The following HLCS variants were observed in gnomAD, a reference collection of about 807,000 sequenced individuals.
HLCS encodes the protein biotin--protein ligase.
Under a neutral mutation model 75.0 loss-of-function variants are expected in HLCS, and 53 were observed. That is an observed-to-expected ratio of 0.71 (90% CI 0.57 to 0.89). HLCS has a LOEUF of 0.89. Ranked by LOEUF, HLCS falls within the 40% of genes least tolerant of loss-of-function variation. The probability of loss-of-function intolerance (pLI) is 0.00; values close to 1 mark genes in which losing one functional copy is unlikely to be tolerated. For synonymous variants in HLCS, 431 were observed against 428.6 expected, an observed-to-expected ratio of 1.01 and a Z score of -0.07; for missense variants, 966 against 1,074.0, an observed-to-expected ratio of 0.90 and a Z score of 1.41.
chr21:36,983,055 A>C (rs1298491914), intron 1 of HLCS, among the ~76,000 whole-genome samples: 1 of 152,086 alleles, frequency 6.6e-6, no homozygotes, highest in Non-Finnish European at 1.5e-5. Context: ...AAAAACAAAA[A>C]CAAAAAAACT....
chr21:36,987,545 A>G (rs1374692232), intron 1 of HLCS, among the ~76,000 whole-genome samples: 2 of 151,706 alleles, frequency 1.3e-5, no homozygotes, highest in African/African-American at 4.8e-5. Context: ...CCTGGGAGGC[A>G]GAGGTTGCAG....
intron 2 of HLCS, among the ~76,000 whole-genome samples, chr21:36,958,233 A>G (rs11088370): frequency 0.01 from 1,489 of 142,010 alleles, 19 homozygotes; most frequent in South Asian, 0.028. Flanking sequence ...ACAGAGTGAG[A>G]CTGTCTCAAA....
intron 4 of HLCS, among the ~76,000 whole-genome samples, chr21:36,935,025 A>G (rs539823543): frequency 6.6e-6 from 1 of 152,336 alleles, no homozygotes; most frequent in African/African-American, 2.4e-5. Context: ...TAAATGGTGC[A>G]GCAAGCAGAT....
chr21:36,781,095 T>C (rs867668879), intron 6 of HLCS, among the ~76,000 whole-genome samples: 38 of 152,042 alleles, frequency 2.5e-4, no homozygotes, highest in African/African-American at 7.7e-4. Context: ...TAGATTCTCA[T>C]AGGAGCCCTA....
rs115415596 is a variant in HLCS, at chr21:36,810,243, G to C, written c.1893-42958C>G. Reference sequence around the variant, plus strand: ...AAACTGTAGAGGTTTGGGATTTTGCGATTTTTCTTGGATGACTGTTAGTTC... The same window carrying C: ...AAACTGTAGAGGTTTGGGATTTTGCCATTTTTCTTGGATGACTGTTAGTTC... On this transcript the variant is annotated intron_variant, in intron 6 of 10. Coordinates refer to ENST00000674895, the MANE Select transcript of HLCS (RefSeq NM_001352514.2). Among the ~76,000 whole-genome samples, 666 of 152,306 alleles carry C rather than the reference G, an allele frequency of 4.4e-3. 6 individuals carry two copies. The highest frequency in any genetic ancestry group is 0.015 in the African/African-American group (609 of 41,570).
At chr21:36,909,870 T>C (rs1311868477) in intron 5 of HLCS, among the ~76,000 whole-genome samples, 22 of 152,208 alleles carry the variant, frequency 1.4e-4, no homozygotes, top group Admixed American at 1.3e-3. Context: ...GAGCTTCTTT[T>C]CCCAAGAAAC....
intron 6 of HLCS, among the ~76,000 whole-genome samples, chr21:36,870,346 G>T (rs2063727678): frequency 6.6e-6 from 1 of 152,100 alleles, no homozygotes; most frequent in Non-Finnish European, 1.5e-5. Flanking sequence ...TCCTTAGCAG[G>T]CCTGATACGG....
In HLCS at chr21:36,936,968, T is replaced by C. The variant is rs767988985; in HGVS notation, c.918A>G (p.Gly306=). The change falls in exon 4 of 11, where the codon GGA becomes GGG. Residue 306 remains glycine, a synonymous_variant. Transcript: ENST00000674895. ...CATAGAGGAGGATGTTGGGTGCCTTTCCCGTGAGGTTGACTCTCCTCCCTT... is the reference window on the plus strand; with the variant it reads ...CATAGAGGAGGATGTTGGGTGCCTTCCCCGTGAGGTTGACTCTCCTCCCTT... ...EREGRRVNLT[G]KAPNILLYVG... is the part of the protein sequence containing the mutation. The C allele has an allele frequency of 7.7e-5, 125 of 1,613,994 alleles. No individual in the cohort carries two copies. Among genetic ancestry groups the C allele is most frequent in the Non-Finnish European group, 1.0e-4 (123 of 1,180,024 alleles).
In HLCS at chr21:36,761,600, G is replaced by A. The variant is rs1030748202; in HGVS notation, c.2122-1759C>T. Among the ~76,000 whole-genome samples the A allele has an allele frequency of 1.2e-4, 18 of 152,050 alleles. 1 individual carries two copies. Among genetic ancestry groups the A allele is most frequent in the Admixed American group, 9.8e-4 (15 of 15,270 alleles). On this transcript the variant is annotated intron_variant, in intron 8 of 10. Coordinates refer to ENST00000674895, the MANE Select transcript of HLCS (RefSeq NM_001352514.2). ...TGTCACAGCCTGAGGGAGTGCTACCGGCGTCTAGAGAGTAGAGGCCGCAAT... is the reference window on the plus strand; with the variant it reads ...TGTCACAGCCTGAGGGAGTGCTACCAGCGTCTAGAGAGTAGAGGCCGCAAT...
chr21:36,848,775 A>G (rs1357898985), intron 6 of HLCS, among the ~76,000 whole-genome samples: 6 of 152,220 alleles, frequency 3.9e-5, no homozygotes, highest in Non-Finnish European at 8.8e-5. Flanking sequence ...GAGCAAATAC[A>G]AAATCTGCTT....
intron 5 of HLCS, among the ~76,000 whole-genome samples, chr21:36,916,382 T>C (rs1388469330): frequency 6.6e-6 from 1 of 152,020 alleles, no homozygotes; most frequent in African/African-American, 2.4e-5. Flanking sequence ...AGAGATAGGG[T>C]CTTGCTTGCT....
intron 6 of HLCS, among the ~76,000 whole-genome samples, chr21:36,783,974 T>C (rs1038624217): frequency 1.3e-5 from 2 of 152,144 alleles, no homozygotes; most frequent in Non-Finnish European, 2.9e-5. Context: ...AATGAATGAA[T>C]GAACGGGCCA....
Position 36,750,864 on chromosome 21 carries a change from GAA to G in HLCS, c.*3380_*3381del, listed in dbSNP as rs1601075400. ...GTCAAGAAGTTTCCACAAAAGAAAA[GAA>G]AAATCCTAAAAACAATCTAGCTGTT... On this transcript the variant is annotated 3_prime_UTR_variant, in exon 11 of 11. Coordinates refer to ENST00000674895, the MANE Select transcript of HLCS (RefSeq NM_001352514.2). The G allele has an allele frequency of 2.0e-5, 3 of 151,776 alleles. No individual in the cohort carries two copies. The East Asian group carries it at 5.8e-4, about 29-fold the overall frequency. 9.4% of individuals were successfully genotyped at this position (151,776 alleles called of 1,614,324 possible).
chr21:36,801,809 C>A (rs1345591897), intron 6 of HLCS, among the ~76,000 whole-genome samples: 2 of 148,498 alleles, frequency 1.3e-5, no homozygotes, highest in Non-Finnish European at 3.0e-5. Context: ...TTTTTAATTT[C>A]TTTTATAGAG....
chr21:36,795,706 AG>A (rs1328078446), intron 6 of HLCS, among the ~76,000 whole-genome samples: 2 of 152,334 alleles, frequency 1.3e-5, no homozygotes, highest in East Asian at 3.9e-4. Context: ...TTAGGGAGTA[AG>A]TTATTACTAA....
At chr21:36,924,642 C>T (rs992958465) in intron 5 of HLCS, among the ~76,000 whole-genome samples, 7 of 152,188 alleles carry the variant, frequency 4.6e-5, no homozygotes, top group African/African-American at 1.7e-4. Flanking sequence ...GGGGCAAGGA[C>T]TCCTTCCCCG....
rs527452668 is a variant in HLCS at position 36,844,758 on chromosome 21, C to A, written c.1892+52102G>T. Among the ~76,000 whole-genome samples the A allele has an allele frequency of 3.3e-5, 5 of 149,802 alleles. No individual in the cohort carries two copies. In the East Asian group the frequency reaches 7.9e-4, roughly 24 times the overall value. ...AAGAAAATATATTGGAAAATGTATT[C>A]AAATAAAAGCAAGAATAAGGGTCGA... On this transcript the variant is annotated intron_variant, in intron 6 of 10. Coordinates refer to ENST00000674895, the MANE Select transcript of HLCS (RefSeq NM_001352514.2).
intron 6 of HLCS, among the ~76,000 whole-genome samples, chr21:36,870,662 T>C (rs2063738533): frequency 6.6e-6 from 1 of 152,184 alleles, no homozygotes; most frequent in Non-Finnish European, 1.5e-5. Flanking sequence ...ACTGGAAGTC[T>C]TAAAAGGGGG....
In HLCS at chr21:36,819,988, G is replaced by A. The variant is rs117889847; in HGVS notation, c.1893-52703C>T. Among the ~76,000 whole-genome samples the A allele has an allele frequency of 2.6e-3, 402 of 152,326 alleles. 4 individuals carry two copies. The highest frequency in any genetic ancestry group is 6.8e-3 in the Middle Eastern group (2 of 294). On this transcript the variant is annotated intron_variant, in intron 6 of 10. Transcript: ENST00000674895. ...CCATCCTACCTAAGCCAGATAAAGTGCACTCACAGGGCAGCAAAAATAAAC... is the reference window on the plus strand; with the variant it reads ...CCATCCTACCTAAGCCAGATAAAGTACACTCACAGGGCAGCAAAAATAAAC...
Sources: gnomAD v4.1 joint callset for allele counts (sites outside exome capture counted in the v4.1 genomes callset) on GRCh38, gnomAD v4.1.1 for gene constraint, MANE v1.5 for transcripts, NCBI Gene and HGNC (gene_info 2026-07-23, HGNC 2026-07-21) for gene names.